C6: variants seen among roughly 807,000 people sequenced by gnomAD.
C6 encodes complement component C6.
In C6, 101 loss-of-function variants were observed where a neutral mutation model predicts 112.9. The ratio of observed to expected loss-of-function variants is 0.89; its 90% CI spans 0.76 to 1.06. The LOEUF (loss-of-function observed/expected upper bound fraction) is 1.06. Among genes scored for constraint, C6 ranks in the 50% least tolerant of loss-of-function variants. C6 has a pLI of 0.00. For synonymous variants in C6, 431 were observed against 384.1 expected (o/e 1.12, Z -1.43); for missense variants, 1,202 against 1,104.6 (o/e 1.09, Z -1.25).
At chr5:41,227,375 G>T (rs7449339) in intron 1 of C6, among the ~76,000 whole-genome samples, 106,711 of 151,904 alleles carry the variant, frequency 0.7, 37,569 homozygotes, top group African/African-American at 0.73. Flanking sequence ...GACGTATGGT[G>T]TGAAAATACT....
At chr5:41,210,811 T>C (rs537790375) in intron 1 of C6, among the ~76,000 whole-genome samples, 4 of 152,240 alleles carry the variant, frequency 2.6e-5, no homozygotes, top group Admixed American at 6.5e-5. Context: ...AGTTCAACCA[T>C]TGTGGAAGGC....
chr5:41,145,513 G>T (rs139974506), intron 17 of C6, among the ~76,000 whole-genome samples: 3 of 152,180 alleles, frequency 2.0e-5, no homozygotes, highest in Non-Finnish European at 2.9e-5. Flanking sequence ...CTGAGTCAGC[G>T]TGAGTATTAG....
chr5:41,261,392 T>C (rs1287685044), exon 1 of C6: 5 of 178,808 alleles, frequency 2.8e-5, no homozygotes, highest in African/African-American at 1.2e-4. Flanking sequence ...ATTTAATGAA[T>C]GTTATGTTGA....
intron 6 of C6, among the ~76,000 whole-genome samples, chr5:41,184,342 T>C (rs4642410): frequency 0.3 from 45,517 of 152,016 alleles, 7,963 homozygotes; most frequent in Non-Finnish European, 0.41. Context: ...ATACTACAAA[T>C]GTCTCATCTA....
intron 1 of C6, among the ~76,000 whole-genome samples, chr5:41,234,364 G>GTTTTTTTTTTTTTTTTTTTTTTTTTGT (rs70988840): frequency 8.1e-6 from 1 of 123,008 alleles, no homozygotes; most frequent in African/African-American, 2.9e-5. Context: ...TTTGTTTTTT[G>GTTTTTTTTTTTTTTTTTTTTTTTTTGT]TTTTTTTTTT....
Position 41,257,596 on chromosome 5 carries a change from G to A in C6, c.-21+3598C>T, listed in dbSNP as rs370354080. Among the ~76,000 whole-genome samples the A allele has an allele frequency of 3.1e-4, 47 of 152,238 alleles. No individual in the cohort carries two copies. In the East Asian group the frequency reaches 3.9e-3, roughly 12 times the overall value. ...TGATGAATAAAGTGTTTGGGAGTAGGCTTCAGGCTTCTTTAGCTTTAAGGA... is the reference window on the plus strand; with the variant it reads ...TGATGAATAAAGTGTTTGGGAGTAGACTTCAGGCTTCTTTAGCTTTAAGGA... On this transcript the variant is annotated intron_variant, in intron 1 of 17. Transcript: ENST00000263413.
At chr5:41,220,398 A>G (rs575391336) in intron 1 of C6, among the ~76,000 whole-genome samples, 1 of 152,272 alleles carries the variant, frequency 6.6e-6, no homozygotes, top group East Asian at 1.9e-4. Flanking sequence ...CTCTGGTGGA[A>G]CTTGTTTTAC....
At chr5:41,181,826 A>C (rs545995426) in intron 6 of C6, among the ~76,000 whole-genome samples, 1 of 152,200 alleles carries the variant, frequency 6.6e-6, no homozygotes, top group Admixed American at 6.5e-5. Flanking sequence ...CTGAGAGGCA[A>C]TATCAGGAAA....
chr5:41,260,835 A>T (rs147850583), intron 1 of C6, among the ~76,000 whole-genome samples: 1 of 152,206 alleles, frequency 6.6e-6, no homozygotes, highest in African/African-American at 2.4e-5. Context: ...CTAGTCTTAA[A>T]CACACCAGTC....
intron 1 of C6, among the ~76,000 whole-genome samples, chr5:41,210,094 C>T (rs1195202633): frequency 6.6e-6 from 1 of 152,168 alleles, no homozygotes; most frequent in East Asian, 1.9e-4. Flanking sequence ...TTTGACAAAT[C>T]TGACAAAAAC....
At chr5:41,229,633 A>G (rs1254184597) in intron 1 of C6, among the ~76,000 whole-genome samples, 2 of 152,092 alleles carry the variant, frequency 1.3e-5, no homozygotes, top group Non-Finnish European at 2.9e-5. Flanking sequence ...TGTGTGCTTT[A>G]GAAGACTGTG....
chr5:41,169,220 G>A (rs74573636), intron 9 of C6, among the ~76,000 whole-genome samples: 316 of 152,106 alleles, frequency 2.1e-3, no homozygotes, highest in African/African-American at 7.3e-3. Flanking sequence ...GCTAACAAAG[G>A]TCTCATTCTC....
chr5:41,165,733 TATTTA>T (rs1329385423), intron 9 of C6, among the ~76,000 whole-genome samples: 1 of 152,130 alleles, frequency 6.6e-6, no homozygotes, highest in Non-Finnish European at 1.5e-5. Flanking sequence ...ATGGATTGTT[TATTTA>T]ATTCTCACAA....
chr5:41,211,002 G>A (rs1314035211), intron 1 of C6, among the ~76,000 whole-genome samples: 1 of 152,148 alleles, frequency 6.6e-6, no homozygotes, highest in Non-Finnish European at 1.5e-5. Flanking sequence ...GTCCATCAAT[G>A]ATAGACTGGA....
Position 41,201,591 on chromosome 5 carries a change from TG to T in C6, c.266del (p.Pro89HisfsTer34). 1 of 1,613,766 alleles carries T rather than the reference TG, an allele frequency of 6.2e-7. No individual in the cohort carries two copies. Among genetic ancestry groups the T allele is most frequent in the Admixed American group, 1.7e-5 (1 of 59,934 alleles). ...CAATACAAGGGTCACAGTCTGACCA[TG>T]GTCCAAAATCTCCCAGGAGGCAGTT... Reference protein sequence around the residue: ...PINCLLGDFGPWSDCDPCIEK... With the variant: ...PINCLLGDFGXWSDCDPCIEK... On this transcript the variant is annotated frameshift_variant, in exon 3 of 18. Transcript: ENST00000337836. LOFTEE classifies it high-confidence loss of function.
chr5:41,223,179 A>G lies in C6; in HGVS notation c.-20-19929T>C, dbSNP rs369813747. ...TCCTATAACTAACATTTAGAGATTA[A>G]CAGGTATTGTTACCACACTGGGCAC... is the stretch of plus-strand genomic sequence containing the variant. On this transcript the variant is annotated intron_variant, in intron 1 of 17. Transcript: ENST00000263413. Among the ~76,000 whole-genome samples the G allele has an allele frequency of 5.9e-5, 9 of 152,328 alleles. No individual in the cohort carries two copies. The South Asian group carries it at 1.9e-3, about 32-fold the overall frequency.
intron 14 of C6, 23 bp downstream of exon 14, chr5:41,154,949 A>T (rs1413290254): frequency 1.2e-6 from 2 of 1,613,134 alleles, no homozygotes; most frequent in East Asian, 4.5e-5. Context: ...GTAGTCAAGC[A>T]AAATTGTTTG....
chr5:41,208,898 G>A (rs986384842), intron 1 of C6, among the ~76,000 whole-genome samples: 1 of 152,014 alleles, frequency 6.6e-6, no homozygotes, highest in Non-Finnish European at 1.5e-5. Context: ...TGATACCAAA[G>A]CCTGGCAGAG....
intron 7 of C6, 84 bp from the exon 8 acceptor site, chr5:41,176,799 TTA>T: frequency 8.2e-7 from 1 of 1,221,582 alleles, no homozygotes; most frequent in East Asian, 2.5e-5. Context: ...TGATTTATCA[TTA>T]GTTTCATTCC....
Sources: allele counts gnomAD v4.1 joint callset (sites outside exome capture counted in the v4.1 genomes callset), GRCh38; gene constraint gnomAD v4.1.1; transcripts MANE v1.5; gene names NCBI Gene and HGNC (gene_info 2026-07-23, HGNC 2026-07-21).